THSD7B: variants seen among roughly 807,000 people sequenced by gnomAD.
THSD7B encodes the protein thrombospondin type 1 domain containing 7B, also known as thrombospondin type-1 domain-containing protein 7B.
A neutral mutation model predicts 213.6 loss-of-function variants in THSD7B; 138 were observed. The ratio of observed to expected loss-of-function variants is 0.65; its 90% CI spans 0.56 to 0.74. The LOEUF is 0.74. Among genes scored for constraint, THSD7B ranks in the 30% least tolerant of loss-of-function variants. THSD7B has a pLI of 0.00. For synonymous variants in THSD7B, 742 were observed against 687.0 expected, an observed-to-expected ratio of 1.08 and a Z score of -1.25; for missense variants, 1,931 against 1,991.5, an observed-to-expected ratio of 0.97 and a Z score of 0.58.
At chr2:137,662,746 A>G (rs1007267767) in intron 25 of THSD7B, among the ~76,000 whole-genome samples, 1 of 152,152 alleles carries the variant, frequency 6.6e-6, no homozygotes, top group Non-Finnish European at 1.5e-5. Context: ...TAAATGCCAT[A>G]AACATCTCCA....
chr2:137,265,992 G>T (rs1682580421), intron 10 of THSD7B, among the ~76,000 whole-genome samples: 1 of 152,120 alleles, frequency 6.6e-6, no homozygotes, highest in Non-Finnish European at 1.5e-5. Context: ...AACATGGAAT[G>T]GTTTTAAGCC....
chr2:137,071,296 C>T (rs1312740701), intron 3 of THSD7B, among the ~76,000 whole-genome samples: 1 of 152,218 alleles, frequency 6.6e-6, no homozygotes, highest in Non-Finnish European at 1.5e-5. Flanking sequence ...ATTTGCATTT[C>T]TCTGATGGCC....
At chr2:137,418,161 T>C (rs543570506) in intron 14 of THSD7B, among the ~76,000 whole-genome samples, 9 of 152,350 alleles carry the variant, frequency 5.9e-5, no homozygotes, top group South Asian at 2.1e-4. Flanking sequence ...GCTGTTTCTC[T>C]CTTCTATCCA....
chr2:136,912,185 G>A (rs948339442), intron 2 of THSD7B, among the ~76,000 whole-genome samples: 1 of 151,864 alleles, frequency 6.6e-6, no homozygotes, highest in African/African-American at 2.4e-5. Flanking sequence ...AGCCGGGTGT[G>A]CTGGTGGGCG....
intron 1 of THSD7B, among the ~76,000 whole-genome samples, chr2:136,872,389 G>T (rs1228422807): frequency 9.4e-6 from 1 of 106,308 alleles, no homozygotes; most frequent in Non-Finnish European, 1.8e-5. Context: ...TTTCGGGGGG[G>T]TGGGGGGGAC....
At chr2:137,261,281 C>A (rs189999805) in intron 10 of THSD7B, among the ~76,000 whole-genome samples, 1 of 152,040 alleles carries the variant, frequency 6.6e-6, no homozygotes, top group Admixed American at 6.6e-5. Context: ...AAAGTGGTGA[C>A]CCTCTGCTCA....
chr2:137,011,140 G>A (rs193083929), intron 2 of THSD7B, among the ~76,000 whole-genome samples: 44 of 152,188 alleles, frequency 2.9e-4, no homozygotes, highest in Admixed American at 4.6e-4. Flanking sequence ...TGACTTGCCA[G>A]AGCTGAAGGT....
At chr2:137,383,992 C>T (rs2104968115) in intron 12 of THSD7B, among the ~76,000 whole-genome samples, 1 of 152,252 alleles carries the variant, frequency 6.6e-6, no homozygotes, top group South Asian at 2.1e-4. Flanking sequence ...AACAATTAAG[C>T]ATTTTTTTAA....
chr2:136,889,194 A>C (rs1297061993), intron 2 of THSD7B, among the ~76,000 whole-genome samples: 1 of 152,194 alleles, frequency 6.6e-6, no homozygotes, highest in South Asian at 2.1e-4. Context: ...TCAATCTTTA[A>C]AAAACAGGCT....
chr2:137,064,362 T>G (rs1687337187), intron 3 of THSD7B, among the ~76,000 whole-genome samples: 1 of 152,064 alleles, frequency 6.6e-6, no homozygotes, highest in African/African-American at 2.4e-5. Flanking sequence ...TTATTATATT[T>G]TTTCCTATTG....
intron 15 of THSD7B, chr2:137,479,520 T>C: frequency 2.5e-6 from 1 of 403,184 alleles, no homozygotes; most frequent in South Asian, 1.8e-5. Context: ...TGGGGTTCCT[T>C]TCGCTGGGAG....
chr2:136,971,541 A>G (rs1685403311), intron 2 of THSD7B, among the ~76,000 whole-genome samples: 1 of 151,916 alleles, frequency 6.6e-6, no homozygotes, highest in Admixed American at 6.6e-5. Flanking sequence ...AGCACTAAAT[A>G]TTGTATAGAA....
At chr2:137,317,792 C>G (rs1470788971) in intron 12 of THSD7B, among the ~76,000 whole-genome samples, 1 of 152,064 alleles carries the variant, frequency 6.6e-6, no homozygotes, top group Non-Finnish European at 1.5e-5. Flanking sequence ...GTGGCGCACA[C>G]CTGTAGACCT....
rs34871634 is a variant in THSD7B, at chr2:136,896,956, A to ATTT, written c.139+14644_139+14646dup. Among the ~76,000 whole-genome samples, 266 of 150,248 alleles carry ATTT rather than the reference A, an allele frequency of 1.8e-3. 3 individuals are homozygous for ATTT. The highest frequency in any genetic ancestry group is 5.0e-3 in the African/African-American group (206 of 41,014). ...TATACATATATACATATATATATATATTTTTTTAAGACAGGGTCTCACTAT... is the reference window on the plus strand; with the variant it reads ...TATACATATATACATATATATATATATTTTTTTTTTAAGACAGGGTCTCACTAT... On this transcript the variant is annotated intron_variant, in intron 2 of 27. Coordinates refer to ENST00000409968, the MANE Select transcript of THSD7B (RefSeq NM_001316349.2).
chr2:137,375,567 A>C (rs1242876183), intron 12 of THSD7B, among the ~76,000 whole-genome samples: 4 of 152,228 alleles, frequency 2.6e-5, no homozygotes, highest in Non-Finnish European at 5.9e-5. Flanking sequence ...GCAAGACACG[A>C]AGGTGTATGA....
intron 2 of THSD7B, among the ~76,000 whole-genome samples, chr2:136,959,115 T>C (rs1685177039): frequency 6.6e-6 from 1 of 152,210 alleles, no homozygotes; most frequent in Non-Finnish European, 1.5e-5. Flanking sequence ...AAGGAAACTT[T>C]AGAGGTTAGA....
chr2:137,647,599 G>T (rs1252096704), intron 21 of THSD7B, among the ~76,000 whole-genome samples: 1 of 152,086 alleles, frequency 6.6e-6, no homozygotes, highest in Non-Finnish European at 1.5e-5. Flanking sequence ...CTTAGTGAAA[G>T]CTGAGTAACA....
intron 20 of THSD7B, 115 bp from the exon 21 acceptor site, chr2:137,642,373 G>A (rs781483057): frequency 1.1e-5 from 14 of 1,284,698 alleles, no homozygotes; most frequent in East Asian, 2.4e-5. Context: ...AGTGAGATAG[G>A]ACAGAGTTCA....
intron 12 of THSD7B, among the ~76,000 whole-genome samples, chr2:137,284,356 G>C (rs990060204): frequency 5.3e-5 from 8 of 151,924 alleles, no homozygotes; most frequent in African/African-American, 1.9e-4. Context: ...TCCAGCTCCT[G>C]GATTCATTGA....
Sources: allele counts gnomAD v4.1 joint callset (sites outside exome capture counted in the v4.1 genomes callset), GRCh38; gene constraint gnomAD v4.1.1; transcripts MANE v1.5; gene names NCBI Gene and HGNC (gene_info 2026-07-23, HGNC 2026-07-21).